FAM168A: variants seen among roughly 807,000 people sequenced by gnomAD.
The protein encoded by FAM168A is protein FAM168A.
Under a neutral mutation model 28.5 loss-of-function variants are expected in FAM168A, and 3 were observed. The observed-to-expected ratio is 0.11, with a 90% confidence interval of 0.05 to 0.27. The LOEUF is 0.27. Among genes scored for constraint, FAM168A ranks in the 10% least tolerant of loss-of-function variants. The probability of loss-of-function intolerance (pLI) is 1.00; values close to 1 mark genes in which losing one functional copy is unlikely to be tolerated. For missense variants in FAM168A, 222 were observed against 311.5 expected (o/e 0.71, Z 2.16); for synonymous variants, 122 against 124.2 (o/e 0.98, Z 0.12).
intron 1 of FAM168A, among the ~76,000 whole-genome samples, chr11:73,596,992 C>T (rs542982759): frequency 2.6e-5 from 4 of 152,260 alleles, no homozygotes; most frequent in East Asian, 3.9e-4. Context: ...GAAAGCAGCC[C>T]AGTGATGTTT....
intron 1 of FAM168A, among the ~76,000 whole-genome samples, chr11:73,533,430 G>A (rs1260162275): frequency 1.3e-5 from 2 of 152,098 alleles, no homozygotes; most frequent in Non-Finnish European, 2.9e-5. Flanking sequence ...AGAGTCCCTA[G>A]GGCCTTACTC....
At chr11:73,586,594 G>C (rs1944316466) in intron 1 of FAM168A, among the ~76,000 whole-genome samples, 1 of 152,186 alleles carries the variant, frequency 6.6e-6, no homozygotes, top group Admixed American at 6.5e-5. Flanking sequence ...ATACAGGGGT[G>C]TTAACTGGAA....
intron 1 of FAM168A, among the ~76,000 whole-genome samples, chr11:73,488,277 C>T (rs1216901522): frequency 6.6e-6 from 1 of 151,788 alleles, no homozygotes; most frequent in Non-Finnish European, 1.5e-5. Flanking sequence ...ATTACAGGCG[C>T]CTGCCACCGT....
chr11:73,505,213 A>C (rs1431235804), intron 1 of FAM168A, among the ~76,000 whole-genome samples: 1 of 151,544 alleles, frequency 6.6e-6, no homozygotes, highest in Non-Finnish European at 1.5e-5. Context: ...AAAAGTGAAA[A>C]TTAAAAGTCA....
intron 1 of FAM168A, among the ~76,000 whole-genome samples, chr11:73,589,537 T>C (rs1944357637): frequency 6.6e-6 from 1 of 150,900 alleles, no homozygotes; most frequent in African/African-American, 2.4e-5. Context: ...ATAATTTTCA[T>C]GATATCCACT....
intron 3 of FAM168A, among the ~76,000 whole-genome samples, chr11:73,421,787 C>G (rs1446541321): frequency 6.6e-6 from 1 of 152,166 alleles, no homozygotes; most frequent in East Asian, 1.9e-4. Context: ...TAAAGCAAAC[C>G]CATGCCCTCA....
At chr11:73,505,973 TA>T (rs1855108860) in intron 1 of FAM168A, among the ~76,000 whole-genome samples, 2 of 152,164 alleles carry the variant, frequency 1.3e-5, no homozygotes, top group Admixed American at 1.3e-4. Flanking sequence ...AATATGACTA[TA>T]CAAGCTCTCT....
intron 1 of FAM168A, among the ~76,000 whole-genome samples, chr11:73,487,423 T>C (rs1868067376): frequency 6.6e-6 from 1 of 152,274 alleles, no homozygotes; most frequent in South Asian, 2.1e-4. Context: ...ATAAAAACAT[T>C]CAGTTCTGAA....
Position 73,430,815 on chromosome 11 carries a change from C to T in FAM168A, c.71-45G>A, listed in dbSNP as rs371464702. 13 of 1,318,858 alleles carry T rather than the reference C, an allele frequency of 9.9e-6. No individual in the cohort carries two copies. In the African/African-American group the frequency reaches 1.5e-4, roughly 15 times the overall value. 81.7% of individuals were successfully genotyped at this position (1,318,858 alleles called of 1,614,324 possible). A position where few individuals can be genotyped will look rare whatever the true frequency, so the allele number is the denominator to read the frequency against. On this transcript the variant is annotated intron_variant, in intron 2 of 7. Coordinates refer to ENST00000356467, the MANE Select transcript of FAM168A (RefSeq NM_015159.3). ...GGCTTATTTAGTTAGGCAAAAAAAACAAAACAAAACAAAACAAAACAAAAA... is the reference window on the plus strand; with the variant it reads ...GGCTTATTTAGTTAGGCAAAAAAAATAAAACAAAACAAAACAAAACAAAAA...
intron 1 of FAM168A, among the ~76,000 whole-genome samples, chr11:73,579,965 A>C (rs1476446876): frequency 6.6e-6 from 1 of 152,154 alleles, no homozygotes; most frequent in Non-Finnish European, 1.5e-5. Context: ...ACAGAATCAA[A>C]GTTTCATGGA....
At chr11:73,444,295 T>G (rs190898909) in intron 2 of FAM168A, among the ~76,000 whole-genome samples, 210 of 152,340 alleles carry the variant, frequency 1.4e-3, no homozygotes, top group African/African-American at 4.7e-3. Context: ...TGGAAACAAT[T>G]GTGTTTGCCC....
chr11:73,496,875 A>T (rs190384896), intron 1 of FAM168A, among the ~76,000 whole-genome samples: 19 of 115,446 alleles, frequency 1.6e-4, no homozygotes, highest in Middle Eastern at 4.8e-3. Context: ...TGTTCTTATC[A>T]CACACACACA....
chr11:73,440,745 C>A (rs1867179791), intron 2 of FAM168A, among the ~76,000 whole-genome samples: 1 of 151,952 alleles, frequency 6.6e-6, no homozygotes, highest in Non-Finnish European at 1.5e-5. Flanking sequence ...AAGGGAGAAC[C>A]ACAAAAGGGT....
chr11:73,508,705 C>T (rs1362948509), intron 1 of FAM168A, among the ~76,000 whole-genome samples: 2 of 151,964 alleles, frequency 1.3e-5, no homozygotes, highest in Non-Finnish European at 2.9e-5. Context: ...TAGTACTAGA[C>T]CACAGTAGTT....
chr11:73,438,651 T>G (rs1303895570), intron 2 of FAM168A, among the ~76,000 whole-genome samples: 1 of 152,130 alleles, frequency 6.6e-6, no homozygotes, highest in East Asian at 1.9e-4. Context: ...GGTTTTAAAC[T>G]GGGGGGTTTC....
chr11:73,437,497 C>A (rs561369826), intron 2 of FAM168A, among the ~76,000 whole-genome samples: 1 of 147,406 alleles, frequency 6.8e-6, no homozygotes, highest in African/African-American at 2.5e-5. Flanking sequence ...TCTGCCTCCT[C>A]GGTTCAAGCA....
chr11:73,491,673 G>T (rs1168510730), intron 1 of FAM168A, among the ~76,000 whole-genome samples: 4 of 152,134 alleles, frequency 2.6e-5, no homozygotes, highest in Non-Finnish European at 5.9e-5. Flanking sequence ...ATCTCTAGTA[G>T]AACACTGACT....
chr11:73,423,468 T>C (rs1866832677), intron 3 of FAM168A, among the ~76,000 whole-genome samples: 2 of 152,084 alleles, frequency 1.3e-5, no homozygotes, highest in Admixed American at 1.3e-4. Context: ...CTCTCTAGAC[T>C]CTCTCATTGT....
intron 1 of FAM168A, among the ~76,000 whole-genome samples, chr11:73,487,845 C>T (rs1043204055): frequency 6.6e-6 from 1 of 152,202 alleles, no homozygotes; most frequent in African/African-American, 2.4e-5. Flanking sequence ...ATTCAATCTA[C>T]TAATTCTACC....
Sources: gnomAD v4.1 joint callset for allele counts (sites outside exome capture counted in the v4.1 genomes callset) on GRCh38, gnomAD v4.1.1 for gene constraint, MANE v1.5 for transcripts, NCBI Gene and HGNC (gene_info 2026-07-23, HGNC 2026-07-21) for gene names.